Variants in PTH2R observed in about 807,000 individuals in gnomAD.
The protein encoded by PTH2R is PTH2 receptor.
PTH2R carries 59 observed loss-of-function variants against 60.3 expected under a neutral mutation model. That is an observed-to-expected ratio of 0.98 (90% CI 0.79 to 1.22). PTH2R has a LOEUF of 1.22. Ranked by LOEUF, PTH2R falls within the 50% of genes most tolerant of loss-of-function variation. The pLI is 0.00. For missense variants in PTH2R, 749 were observed against 682.6 expected, an observed-to-expected ratio of 1.10 and a Z score of -1.08; for synonymous variants, 256 against 243.8, an observed-to-expected ratio of 1.05 and a Z score of -0.47.
rs554311576 is a variant in PTH2R, at chr2:208,482,868, C to T, written c.1076+1704C>T. Among the ~76,000 whole-genome samples the T allele has an allele frequency of 1.3e-4, 20 of 152,288 alleles. No individual in the cohort carries two copies. The South Asian group carries it at 2.7e-3, about 21-fold the overall frequency. On this transcript the variant is annotated intron_variant, in intron 10 of 12. Coordinates refer to ENST00000272847, the MANE Select transcript of PTH2R (RefSeq NM_005048.4). ...TTTCCATTCCCAGAGCCACGAACAT[C>T]TGCTTTTCTGGGATAGGAATCTTGG...
At chr2:208,383,774 T>C (rs1457691321) in intron 1 of PTH2R, among the ~76,000 whole-genome samples, 1 of 152,172 alleles carries the variant, frequency 6.6e-6, no homozygotes, top group Non-Finnish European at 1.5e-5. Context: ...ATGAACACAG[T>C]TGAATATCAC....
chr2:208,490,635 G>T lies in PTH2R; in HGVS notation c.1216-4G>T. Reference sequence around the variant, plus strand: ...AGTGGGCTGACTTTCTCTTTTGTCTGCAGGGTTTCTTTGTGTCTATCATCT... The same window carrying T: ...AGTGGGCTGACTTTCTCTTTTGTCTTCAGGGTTTCTTTGTGTCTATCATCT... On this transcript the variant is annotated splice_polypyrimidine_tract_variant and splice_region_variant and intron_variant, in intron 11 of 12. Transcript: ENST00000272847. 6.2e-7 allele frequency: 1 copy of T among 1,609,412 alleles called. No homozygotes were observed. The highest frequency in any genetic ancestry group is 1.1e-5 in the South Asian group (1 of 89,850).
At chr2:208,417,885 G>A (rs532733596) in intron 1 of PTH2R, among the ~76,000 whole-genome samples, 1 of 152,028 alleles carries the variant, frequency 6.6e-6, no homozygotes, top group Non-Finnish European at 1.5e-5. Flanking sequence ...GCTTATCATT[G>A]CAAAACATGA....
chr2:208,443,301 A>T, intron 5 of PTH2R, 47 bp from the exon 6 acceptor site: 1 of 1,465,408 alleles, frequency 6.8e-7, no homozygotes, highest in Non-Finnish European at 9.1e-7. Context: ...TGTTTCCCCC[A>T]TTTTTAATTT....
intron 1 of PTH2R, among the ~76,000 whole-genome samples, chr2:208,364,577 A>G (rs536217447): frequency 1.1e-4 from 17 of 151,972 alleles, no homozygotes; most frequent in African/African-American, 2.2e-4. Flanking sequence ...ATTCTGTTCT[A>G]TTGATTTGTA....
intron 1 of PTH2R, among the ~76,000 whole-genome samples, chr2:208,388,415 CCTT>C (rs1701047991): frequency 1.3e-5 from 2 of 152,188 alleles, no homozygotes; most frequent in African/African-American, 4.8e-5. Flanking sequence ...AAAGGTCTAA[CCTT>C]CGGTGACGTT....
chr2:208,471,182 A>G (rs187992718), intron 9 of PTH2R, among the ~76,000 whole-genome samples: 1 of 152,228 alleles, frequency 6.6e-6, no homozygotes, highest in Admixed American at 6.5e-5. Flanking sequence ...TGACAATGCA[A>G]TAAAAAAGAG....
intron 1 of PTH2R, among the ~76,000 whole-genome samples, chr2:208,367,424 C>CTTT (rs141555131): frequency 3.2e-4 from 41 of 128,976 alleles, no homozygotes; most frequent in South Asian, 7.2e-4. Flanking sequence ...TTTTCTCTTT[C>CTTT]TTTTTTTTTT....
chr2:208,411,311 C>A (rs1471727005), intron 1 of PTH2R, among the ~76,000 whole-genome samples: 1 of 152,170 alleles, frequency 6.6e-6, no homozygotes, highest in Non-Finnish European at 1.5e-5. Context: ...GTGTTTATTG[C>A]CACAAACACT....
rs748577176 is a variant in PTH2R at position 208,443,560 on chromosome 2, C to G, written c.699+23C>G. On this transcript the variant is annotated intron_variant, in intron 6 of 12. Coordinates refer to ENST00000272847, the MANE Select transcript of PTH2R (RefSeq NM_005048.4). ...TATGTAAGTGTTTTCACCATTTTCTCTCATTACTAATTTGTATAACACTAC... is the reference window on the plus strand; with the variant it reads ...TATGTAAGTGTTTTCACCATTTTCTGTCATTACTAATTTGTATAACACTAC... 5 of 1,564,250 alleles carry G rather than the reference C, an allele frequency of 3.2e-6. No homozygotes were observed. In the East Asian group the frequency reaches 1.1e-4, roughly 35 times the overall value.
intron 1 of PTH2R, among the ~76,000 whole-genome samples, chr2:208,419,604 T>G (rs2105844820): frequency 6.6e-6 from 1 of 152,366 alleles, no homozygotes; most frequent in South Asian, 2.1e-4. Context: ...TGCCCGTGCC[T>G]ATGTCCTGAA....
chr2:208,416,566 C>A (rs530263395), intron 1 of PTH2R, among the ~76,000 whole-genome samples: 99 of 152,296 alleles, frequency 6.5e-4, no homozygotes, highest in African/African-American at 2.3e-3. Context: ...CTTTTTCAAG[C>A]TATCTGCCGT....
At chr2:208,417,400 A>G (rs1043469549) in intron 1 of PTH2R, among the ~76,000 whole-genome samples, 4 of 152,150 alleles carry the variant, frequency 2.6e-5, no homozygotes, top group African/African-American at 9.7e-5. Flanking sequence ...CTTGGAGGCA[A>G]TCTAGTTCAT....
intron 1 of PTH2R, among the ~76,000 whole-genome samples, chr2:208,427,057 T>C (rs1468058439): frequency 1.3e-5 from 2 of 152,160 alleles, no homozygotes; most frequent in African/African-American, 4.8e-5. Context: ...AAAAGAATAT[T>C]TTCGAGTAAA....
intron 9 of PTH2R, chr2:208,469,727 C>A (rs1034923722): frequency 2.0e-5 from 3 of 152,214 alleles, no homozygotes; most frequent in African/African-American, 7.2e-5. Context: ...CAAATGTAAT[C>A]ATTTATCAGA....
intron 10 of PTH2R, among the ~76,000 whole-genome samples, chr2:208,486,076 C>A (rs1446205474): frequency 2.6e-5 from 4 of 152,106 alleles, no homozygotes; most frequent in Non-Finnish European, 5.9e-5. Flanking sequence ...AGAAGTGAAC[C>A]CTGAGGCCCA....
At chr2:208,382,859 C>T (rs1373275937) in intron 1 of PTH2R, among the ~76,000 whole-genome samples, 1 of 152,252 alleles carries the variant, frequency 6.6e-6, no homozygotes, top group Non-Finnish European at 1.5e-5. Context: ...CTCTGAGGCA[C>T]ACTGCATGCT....
At chr2:208,403,329 A>T (rs1701343973), upstream of PTH2R, among the ~76,000 whole-genome samples, 6 of 152,206 alleles carry the variant, frequency 3.9e-5, no homozygotes, top group Admixed American at 3.3e-4. Flanking sequence ...ATTTTTTCAC[A>T]TACTAAAATC....
chr2:208,374,957 G>A (rs1260617103), intron 1 of PTH2R, among the ~76,000 whole-genome samples: 1 of 152,078 alleles, frequency 6.6e-6, no homozygotes, highest in East Asian at 1.9e-4. Context: ...GCAGTTTAGT[G>A]GTGGCACTGG....
Sources: allele counts gnomAD v4.1 joint callset (sites outside exome capture counted in the v4.1 genomes callset), GRCh38; gene constraint gnomAD v4.1.1; transcripts MANE v1.5; gene names NCBI Gene and HGNC (gene_info 2026-07-23, HGNC 2026-07-21).